The following ERBB4 variants were observed in gnomAD, a reference collection of about 807,000 sequenced individuals.
ERBB4 encodes the protein erb-b2 receptor tyrosine kinase 4, also known as receptor tyrosine-protein kinase erbB-4.
In ERBB4, 42 loss-of-function variants were observed where a neutral mutation model predicts 158.0. The ratio of observed to expected loss-of-function variants is 0.27; its 90% CI spans 0.21 to 0.34. The LOEUF is 0.34. Ranked by LOEUF, ERBB4 falls within the 10% of genes least tolerant of loss-of-function variation. The pLI, the probability that ERBB4 is intolerant of heterozygous loss-of-function variation, is 1.00. For synonymous variants in ERBB4, 583 were observed against 558.7 expected (o/e 1.04, Z -0.61); for missense variants, 1,333 against 1,624.1 (o/e 0.82, Z 3.08).
At chr2:211,808,351 C>G (rs971230893) in intron 3 of ERBB4, among the ~76,000 whole-genome samples, 2 of 152,076 alleles carry the variant, frequency 1.3e-5, no homozygotes, top group Non-Finnish European at 2.9e-5. Context: ...ATATGGCTAG[C>G]CAGTTTTCCC....
chr2:212,080,447 TATAACC>T (rs2078403490), intron 2 of ERBB4, among the ~76,000 whole-genome samples: 1 of 151,826 alleles, frequency 6.6e-6, no homozygotes, highest in African/African-American at 2.4e-5. Flanking sequence ...GGCTAAGGTA[TATAACC>T]ATTTTTTTAA....
chr2:211,834,905 T>C (rs997123508), intron 3 of ERBB4, among the ~76,000 whole-genome samples: 1 of 152,130 alleles, frequency 6.6e-6, no homozygotes, highest in African/African-American at 2.4e-5. Flanking sequence ...AAATTTCAAA[T>C]GGTAAAGTCA....
chr2:211,553,618 A>C (rs1271827553), intron 20 of ERBB4, among the ~76,000 whole-genome samples: 1 of 152,214 alleles, frequency 6.6e-6, no homozygotes, highest in Non-Finnish European at 1.5e-5. Flanking sequence ...CTTTATGCCA[A>C]ACAGTAAGCT....
chr2:212,213,930 G>C (rs186460670), intron 1 of ERBB4, among the ~76,000 whole-genome samples: 7 of 151,890 alleles, frequency 4.6e-5, no homozygotes, highest in Admixed American at 4.6e-4. Context: ...GTGTTTGCAG[G>C]TTAATCCCTT....
chr2:211,751,345 G>A (rs1233589411), intron 4 of ERBB4, among the ~76,000 whole-genome samples: 3 of 151,926 alleles, frequency 2.0e-5, no homozygotes, highest in East Asian at 1.9e-4. Context: ...CTCAACAAAC[G>A]TAGTTGTCCC....
intron 3 of ERBB4, among the ~76,000 whole-genome samples, chr2:211,931,824 A>G (rs2080185011): frequency 6.6e-6 from 1 of 152,064 alleles, no homozygotes; most frequent in Non-Finnish European, 1.5e-5. Flanking sequence ...GGATTAACCA[A>G]TAAATTAATA....
chr2:212,094,979 C>A (rs1357341071), intron 2 of ERBB4, among the ~76,000 whole-genome samples: 1 of 147,280 alleles, frequency 6.8e-6, no homozygotes. Context: ...TGAAATTCCT[C>A]AGCACAATTA....
At chr2:212,315,515 A>C (rs1559997110) in intron 1 of ERBB4, among the ~76,000 whole-genome samples, 3 of 151,530 alleles carry the variant, frequency 2.0e-5, no homozygotes, top group African/African-American at 7.3e-5. Flanking sequence ...AACTTTGATT[A>C]GATACTGATT....
At position 211,945,116 on chromosome 2, in the gene ERBB4, G is replaced by A. The variant is rs147750366; in HGVS notation, c.421+2314C>T. On this transcript the variant is annotated intron_variant, in intron 3 of 27. Transcript: ENST00000342788. Reference sequence around the variant, plus strand: ...ACAATCTTACCTGAACTTAATTACGGCACTTATTTGTTGCTTTAATCGGGT... The same window carrying A: ...ACAATCTTACCTGAACTTAATTACGACACTTATTTGTTGCTTTAATCGGGT... Among the ~76,000 whole-genome samples the A allele has an allele frequency of 9.9e-5, 15 of 152,174 alleles. No individual in the cohort carries two copies. In the East Asian group the frequency reaches 2.9e-3, roughly 29 times the overall value.
chr2:211,978,642 A>G (rs2081701031), intron 2 of ERBB4, among the ~76,000 whole-genome samples: 1 of 152,088 alleles, frequency 6.6e-6, no homozygotes, highest in Non-Finnish European at 1.5e-5. Context: ...TCTATTTTAG[A>G]CTTTATATGG....
chr2:212,233,222 G>C (rs891698162), intron 1 of ERBB4, among the ~76,000 whole-genome samples: 1 of 152,060 alleles, frequency 6.6e-6, no homozygotes, highest in Non-Finnish European at 1.5e-5. Context: ...ATTTTACAAA[G>C]AAAATAGGGT....
intron 25 of ERBB4, among the ~76,000 whole-genome samples, chr2:211,402,440 A>C (rs1211451186): frequency 6.6e-6 from 1 of 152,124 alleles, no homozygotes; most frequent in African/African-American, 2.4e-5. Context: ...CCAAAAGCTC[A>C]GGTGAAAGTA....
intron 3 of ERBB4, among the ~76,000 whole-genome samples, chr2:211,812,127 A>G (rs2076770302): frequency 6.6e-6 from 1 of 152,162 alleles, no homozygotes; most frequent in Non-Finnish European, 1.5e-5. Context: ...TAGAATTTTC[A>G]GCTTTTCTGC....
intron 3 of ERBB4, among the ~76,000 whole-genome samples, chr2:211,840,725 A>C (rs35390180): frequency 2.0e-5 from 3 of 151,960 alleles, no homozygotes; most frequent in Non-Finnish European, 2.9e-5. Flanking sequence ...AAGTTGACAG[A>C]AATTCAAAAA....
intron 2 of ERBB4, among the ~76,000 whole-genome samples, chr2:212,072,095 G>A (rs1373403675): frequency 6.6e-6 from 1 of 151,942 alleles, no homozygotes; most frequent in East Asian, 1.9e-4. Flanking sequence ...ATGTTGCTTT[G>A]TCCATAGTAT....
intron 17 of ERBB4, among the ~76,000 whole-genome samples, chr2:211,628,633 T>G (rs564612526): frequency 1.3e-5 from 2 of 152,348 alleles, no homozygotes; most frequent in South Asian, 4.1e-4. Flanking sequence ...TAAACATACA[T>G]GTGCATGTGT....
intron 1 of ERBB4, among the ~76,000 whole-genome samples, chr2:212,406,208 G>A (rs1023001143): frequency 2.0e-5 from 3 of 152,040 alleles, no homozygotes; most frequent in African/African-American, 7.2e-5. Flanking sequence ...TTTCATGCAC[G>A]TTGTACCTGT....
intron 3 of ERBB4, among the ~76,000 whole-genome samples, chr2:211,887,956 G>T (rs750286729): frequency 6.6e-6 from 1 of 152,112 alleles, no homozygotes; most frequent in Non-Finnish European, 1.5e-5. Flanking sequence ...TTCCCAGTGT[G>T]TCTGCCTTAA....
chr2:212,533,039 C>A (rs1692841661), intron 1 of ERBB4, among the ~76,000 whole-genome samples: 1 of 151,986 alleles, frequency 6.6e-6, no homozygotes, highest in African/African-American at 2.4e-5. Context: ...GAAAATACGG[C>A]AATTTATTTA....
Sources: allele counts gnomAD v4.1 joint callset (sites outside exome capture counted in the v4.1 genomes callset), GRCh38; gene constraint gnomAD v4.1.1; transcripts MANE v1.5; gene names NCBI Gene and HGNC (gene_info 2026-07-23, HGNC 2026-07-21).